Variants in PLCE1 observed in about 807,000 individuals in gnomAD.
PLCE1 encodes phospholipase C epsilon 1, also known as 1-phosphatidylinositol 4,5-bisphosphate phosphodiesterase epsilon-1.
A neutral mutation model predicts 242.8 loss-of-function variants in PLCE1; 119 were observed. The ratio of observed to expected loss-of-function variants is 0.49; its 90% confidence interval spans 0.42 to 0.57. PLCE1 has a LOEUF of 0.57. Ranked by LOEUF, PLCE1 falls within the 20% of genes least tolerant of loss-of-function variation. The pLI is 0.00. For synonymous variants in PLCE1, 945 were observed against 1,017.4 expected, an observed-to-expected ratio of 0.93 and a Z score of 1.35; for missense variants, 2,441 against 2,788.8, an observed-to-expected ratio of 0.88 and a Z score of 2.81.
At chr10:94,288,139 T>C (rs972982084) in intron 22 of PLCE1, among the ~76,000 whole-genome samples, 8 of 152,178 alleles carry the variant, frequency 5.3e-5, no homozygotes, top group Non-Finnish European at 1.0e-4. Context: ...ATGGATGAAT[T>C]GTATAGTGAT....
intron 2 of PLCE1, chr10:94,097,004 A>T (rs188842530): frequency 1.3e-5 from 2 of 152,220 alleles, no homozygotes; most frequent in African/African-American, 4.8e-5. Context: ...TGTGGCTTCT[A>T]TGAAAGAAAG....
intron 2 of PLCE1, among the ~76,000 whole-genome samples, chr10:94,103,657 A>C (rs1012606487): frequency 1.3e-5 from 2 of 152,212 alleles, no homozygotes; most frequent in African/African-American, 2.4e-5. Flanking sequence ...AATAAAAAAA[A>C]GGAAGAAAGA....
At chr10:94,167,994 A>G (rs2047861492) in intron 3 of PLCE1, among the ~76,000 whole-genome samples, 1 of 152,044 alleles carries the variant, frequency 6.6e-6, no homozygotes, top group South Asian at 2.1e-4. Context: ...ACCTAGAATG[A>G]CTATTAACTG....
chr10:94,090,447 T>C (rs1487462269), intron 2 of PLCE1, among the ~76,000 whole-genome samples: 1 of 152,196 alleles, frequency 6.6e-6, no homozygotes, highest in East Asian at 1.9e-4. Flanking sequence ...AAAAATAACA[T>C]GAGAAATTGT....
chr10:94,067,588 A>G (rs1589951872), intron 2 of PLCE1, among the ~76,000 whole-genome samples: 1 of 152,318 alleles, frequency 6.6e-6, no homozygotes, highest in South Asian at 2.1e-4. Flanking sequence ...GTGTGGCAGG[A>G]TGTGGGACAC....
intron 1 of PLCE1, among the ~76,000 whole-genome samples, chr10:94,008,818 C>T (rs2061104395): frequency 1.3e-5 from 2 of 152,126 alleles, no homozygotes; most frequent in South Asian, 2.1e-4. Flanking sequence ...AGAAAATGCT[C>T]CTTCTTAGTG....
chr10:94,320,346 T>C (rs1438932172), intron 29 of PLCE1, among the ~76,000 whole-genome samples: 1 of 151,412 alleles, frequency 6.6e-6, no homozygotes, highest in East Asian at 1.9e-4. Context: ...AAATAGATTA[T>C]ATATCTTTAT....
intron 3 of PLCE1, among the ~76,000 whole-genome samples, chr10:94,169,592 T>A (rs551176511): frequency 6.6e-6 from 1 of 152,230 alleles, no homozygotes; most frequent in Admixed American, 6.5e-5. Flanking sequence ...TAAGAAACAG[T>A]CGAATGACTG....
At chr10:94,299,295 G>A (rs1025622401) in intron 24 of PLCE1, among the ~76,000 whole-genome samples, 9 of 152,116 alleles carry the variant, frequency 5.9e-5, no homozygotes, top group East Asian at 1.9e-4. Flanking sequence ...TAGGCAGTAC[G>A]CTGAATTTTT....
Position 94,306,470 on chromosome 10 carries a change from G to A in PLCE1, c.5666G>A (p.Ser1889Asn). 5 of 1,613,982 alleles carry A rather than the reference G, an allele frequency of 3.1e-6. No individual in the cohort carries two copies. Among genetic ancestry groups the A allele is most frequent in the South Asian group, 1.1e-5 (1 of 91,082 alleles). The part of the protein sequence containing the change: ...QNVCPSNSMG[S>N]PCIEVDVLGM... Reference sequence around the variant, plus strand: ...GTGTGCCCCAGTAATAGCATGGGAAGCCCGTGCATTGAAGTCGACGTCCTG... The same window carrying A: ...GTGTGCCCCAGTAATAGCATGGGAAACCCGTGCATTGAAGTCGACGTCCTG... The change falls in exon 26 of 33, where the codon AGC becomes AAC. Residue 1889 changes from serine (S) to asparagine (N), a missense_variant. This residue lies in a region of PLCE1 where 1,004 missense variants were observed against 1,322.7 expected (regional missense o/e 0.76). Coordinates refer to ENST00000371380, the MANE Select transcript of PLCE1 (RefSeq NM_016341.4). This position sits in a 1 kb window ranked among gnomAD's most constrained non-coding sequence, Gnocchi z 5.7.
intron 2 of PLCE1, among the ~76,000 whole-genome samples, chr10:94,072,272 C>CTTTTTTGTT (rs1443557624): frequency 6.6e-6 from 1 of 151,644 alleles, no homozygotes; most frequent in East Asian, 1.9e-4. Flanking sequence ...TTCTTTCTTT[C>CTTTTTTGTT]TTTTTTGTTT....
At chr10:94,053,032 C>T (rs961473887) in intron 2 of PLCE1, among the ~76,000 whole-genome samples, 2 of 152,296 alleles carry the variant, frequency 1.3e-5, no homozygotes, top group African/African-American at 2.4e-5. Flanking sequence ...TCCCAAATAA[C>T]GCTTTTTGAA....
At chr10:94,297,931 T>C (rs1163506818) in intron 23 of PLCE1, among the ~76,000 whole-genome samples, 1 of 152,264 alleles carries the variant, frequency 6.6e-6, no homozygotes, top group Non-Finnish European at 1.5e-5. Context: ...TTTGTGCAAA[T>C]ATACCACAAC....
intron 2 of PLCE1, among the ~76,000 whole-genome samples, chr10:94,098,562 C>T (rs1590015761): frequency 6.6e-6 from 1 of 152,138 alleles, no homozygotes; most frequent in South Asian, 2.1e-4. Context: ...TTTAAAATGG[C>T]TTTTAATATT....
At chr10:94,285,484 G>C (rs747530423) in intron 22 of PLCE1, among the ~76,000 whole-genome samples, 1 of 152,156 alleles carries the variant, frequency 6.6e-6, no homozygotes, top group Non-Finnish European at 1.5e-5. Context: ...AGACACACAG[G>C]TTTCAGGTAT....
At chr10:94,207,512 T>C (rs1037852379) in intron 4 of PLCE1, among the ~76,000 whole-genome samples, 3 of 102,588 alleles carry the variant, frequency 2.9e-5, no homozygotes, top group Non-Finnish European at 6.1e-5. Context: ...GGAATAGTTA[T>C]ACGTGTGTGT....
At chr10:94,221,790 T>C (rs920522677) in intron 4 of PLCE1, among the ~76,000 whole-genome samples, 2 of 152,192 alleles carry the variant, frequency 1.3e-5, no homozygotes, top group African/African-American at 4.8e-5. Flanking sequence ...TAGACTTTCA[T>C]TATATTTTGT....
At chr10:94,097,599 G>A (rs77035756) in intron 2 of PLCE1, among the ~76,000 whole-genome samples, 72 of 152,292 alleles carry the variant, frequency 4.7e-4, no homozygotes, top group African/African-American at 1.7e-3. Context: ...GTAGTAAGGC[G>A]GAGCTTAACC....
chr10:94,076,355 T>G (rs930756441), intron 2 of PLCE1, among the ~76,000 whole-genome samples: 1 of 152,196 alleles, frequency 6.6e-6, no homozygotes, highest in Non-Finnish European at 1.5e-5. Flanking sequence ...GATTGACACC[T>G]CAAGATGTTT....
Sources: allele counts gnomAD v4.1 joint callset (sites outside exome capture counted in the v4.1 genomes callset), GRCh38; gene constraint gnomAD v4.1.1; regional missense constraint gnomAD v4.1.1; non-coding constraint Gnocchi (gnomAD v3.1); transcripts MANE v1.5; gene names NCBI Gene and HGNC (gene_info 2026-07-23, HGNC 2026-07-21).